Variants in EYS observed in about 807,000 individuals in gnomAD.
The protein encoded by EYS is protein eyes shut homolog.
A neutral mutation model predicts 282.1 loss-of-function variants in EYS; 250 were observed. The observed-to-expected ratio is 0.89, with a 90% CI of 0.80 to 0.98. The LOEUF (loss-of-function observed/expected upper bound fraction) is 0.98, where lower values mean the gene tolerates loss of function less well. Among genes scored for constraint, EYS ranks in the 50% least tolerant of loss-of-function variants. EYS has a pLI of 0.00. For synonymous variants in EYS, 1,355 were observed against 1,282.9 expected (o/e 1.06, Z -1.20); for missense variants, 4,016 against 3,709.0 (o/e 1.08, Z -2.15).
At chr6:64,361,215 T>A (rs1369467524) in intron 29 of EYS, among the ~76,000 whole-genome samples, 2 of 151,258 alleles carry the variant, frequency 1.3e-5, no homozygotes, top group Non-Finnish European at 3.0e-5. Context: ...AATATGGTTT[T>A]TTTTTGTGCC....
At chr6:64,105,523 C>T (rs545619761) in intron 31 of EYS, among the ~76,000 whole-genome samples, 2 of 152,230 alleles carry the variant, frequency 1.3e-5, no homozygotes, top group Admixed American at 6.5e-5. Flanking sequence ...AAATGTACGA[C>T]ATGTCCATCA....
intron 5 of EYS, among the ~76,000 whole-genome samples, chr6:65,477,529 T>C (rs1405199926): frequency 2.6e-5 from 4 of 152,166 alleles, no homozygotes; most frequent in Admixed American, 2.6e-4. Context: ...CACAATTATA[T>C]AAGCAGTATT....
intron 35 of EYS, among the ~76,000 whole-genome samples, chr6:63,970,437 C>A (rs1163317302): frequency 6.6e-6 from 1 of 152,100 alleles, no homozygotes; most frequent in East Asian, 1.9e-4. Context: ...TGATCGAGAC[C>A]ATTCTGACTA....
chr6:65,253,524 T>A (rs905417601), intron 12 of EYS, among the ~76,000 whole-genome samples: 10 of 151,930 alleles, frequency 6.6e-5, no homozygotes, highest in African/African-American at 2.4e-4. Context: ...TTGAATTATT[T>A]GTAAATGCAG....
chr6:64,753,218 CTA>C (rs1277957646), intron 22 of EYS, among the ~76,000 whole-genome samples: 5 of 152,006 alleles, frequency 3.3e-5, no homozygotes, highest in Non-Finnish European at 5.9e-5. Flanking sequence ...GGTAAAAACA[CTA>C]TGACAGGAAC....
chr6:64,152,168 A>G lies in EYS; in HGVS notation c.6425-70166T>C, dbSNP rs1774763533. The stretch of plus-strand genomic sequence containing the variant: ...AAATAAAAAGTCTGCTCATTAAAAT[A>G]CATATGCAACTTTAGAGCATGGGAA... On this transcript the variant is annotated intron_variant, in intron 31 of 42. Transcript: ENST00000503581. Among the ~76,000 whole-genome samples, 4 of 152,240 alleles carry G rather than the reference A, an allele frequency of 2.6e-5. No individual in the cohort carries two copies. The South Asian group carries it at 8.3e-4, about 31-fold the overall frequency.
intron 36 of EYS, among the ~76,000 whole-genome samples, chr6:63,816,115 A>G (rs1479457448): frequency 2.0e-5 from 3 of 152,180 alleles, no homozygotes; most frequent in African/African-American, 7.2e-5. Context: ...TTTCATATTA[A>G]TATGGTATAA....
At chr6:65,147,106 G>A (rs1248457282) in intron 12 of EYS, among the ~76,000 whole-genome samples, 1 of 151,426 alleles carries the variant, frequency 6.6e-6, no homozygotes, top group East Asian at 2.0e-4. Context: ...TTATATTTTT[G>A]GTAAAAATTG....
intron 6 of EYS, 90 bp from the exon 7 acceptor site, chr6:65,402,695 A>C: frequency 4.7e-6 from 4 of 856,666 alleles, no homozygotes; most frequent in Non-Finnish European, 7.4e-6. Context: ...GGTTAAAATT[A>C]TTTTCATGAA....
chr6:65,012,542 T>C (rs1298721916), intron 13 of EYS, among the ~76,000 whole-genome samples: 1 of 152,096 alleles, frequency 6.6e-6, no homozygotes, highest in South Asian at 2.1e-4. Context: ...GGGATAAAGG[T>C]ATAACACAAA....
intron 12 of EYS, among the ~76,000 whole-genome samples, chr6:65,147,154 TG>T (rs1274362456): frequency 6.6e-6 from 1 of 152,028 alleles, no homozygotes; most frequent in Non-Finnish European, 1.5e-5. Context: ...TGACTAAAGA[TG>T]GTGACATGAG....
chr6:64,018,816 C>T (rs1208008369), intron 33 of EYS, among the ~76,000 whole-genome samples: 1 of 128,198 alleles, frequency 7.8e-6, no homozygotes, highest in Admixed American at 9.1e-5. Flanking sequence ...ACTCTGTTGC[C>T]CAGGCTGGAG....
intron 41 of EYS, among the ~76,000 whole-genome samples, chr6:63,737,015 C>T (rs996210111): frequency 3.1e-4 from 47 of 151,944 alleles, no homozygotes; most frequent in Middle Eastern, 6.8e-3. Flanking sequence ...TCTAGATATA[C>T]AATCATGTCA....
intron 2 of EYS, among the ~76,000 whole-genome samples, chr6:65,628,102 A>G (rs1403509352): frequency 6.6e-6 from 1 of 152,094 alleles, no homozygotes; most frequent in Non-Finnish European, 1.5e-5. Flanking sequence ...TTGTGAGTGC[A>G]CCAGTGGACA....
At chr6:63,951,248 T>C (rs544430477) in intron 35 of EYS, among the ~76,000 whole-genome samples, 1 of 152,322 alleles carries the variant, frequency 6.6e-6, no homozygotes, top group South Asian at 2.1e-4. Context: ...TACTTTCTTC[T>C]GCAATGCCAC....
intron 12 of EYS, among the ~76,000 whole-genome samples, chr6:65,283,547 T>A (rs1768280337): frequency 6.6e-6 from 1 of 152,028 alleles, no homozygotes; most frequent in Admixed American, 6.6e-5. Flanking sequence ...TATTATAGAC[T>A]TGACATTTGT....
rs116510080 is a variant in EYS at position 64,805,972 on chromosome 6, A to T, written c.3443+7406T>A. ...ATTATGAGATGAAATTGTAAAAAAA[A>T]TCTTACATGTGAATATAGGAAAAGG... On this transcript the variant is annotated intron_variant, in intron 22 of 42. Transcript: ENST00000503581. Among the ~76,000 whole-genome samples the T allele has an allele frequency of 5.4e-3, 825 of 151,670 alleles. 11 individuals carry two copies. Among genetic ancestry groups the T allele is most frequent in the African/African-American group, 0.019 (785 of 41,536 alleles).
rs1203788922 is a variant in EYS, at chr6:65,330,714, G to T, written c.1766+4266C>A. 8 of 949,640 alleles carry T rather than the reference G, an allele frequency of 8.4e-6. No individual in the cohort carries two copies. The African/African-American group carries it at 1.4e-4, about 17-fold the overall frequency. The allele number at this position is 949,640 out of a possible 1,614,324, so 58.8% of individuals were successfully genotyped here. ...ATCATTATAATACTATCATTATTTT[G>T]CCTTATAAATTGAGTTTAATTGAAA... is the stretch of plus-strand genomic sequence containing the variant. On this transcript the variant is annotated intron_variant, in intron 11 of 42. Coordinates refer to ENST00000503581, the MANE Select transcript of EYS (RefSeq NM_001142800.2).
chr6:63,909,044 G>A (rs1002681483), intron 35 of EYS, among the ~76,000 whole-genome samples: 1 of 152,092 alleles, frequency 6.6e-6, no homozygotes, highest in African/African-American at 2.4e-5. Flanking sequence ...TTAAACGTGA[G>A]GTGAGATATG....
Sources: gnomAD v4.1 joint callset for allele counts (sites outside exome capture counted in the v4.1 genomes callset) on GRCh38, gnomAD v4.1.1 for gene constraint, MANE v1.5 for transcripts, NCBI Gene and HGNC (gene_info 2026-07-23, HGNC 2026-07-21) for gene names.